The following EXOC6B variants were observed in gnomAD, a reference collection of about 807,000 sequenced individuals.
The protein encoded by EXOC6B is exocyst complex component 6B, also known as SEC15 homolog B.
In EXOC6B, 54 loss-of-function variants were observed where a neutral mutation model predicts 113.5. The ratio of observed to expected loss-of-function variants is 0.48; its 90% CI spans 0.38 to 0.60. EXOC6B has a LOEUF of 0.60. EXOC6B is among the 20% of genes least tolerant of loss of function. EXOC6B has a pLI of 0.00. For missense variants in EXOC6B, 797 were observed against 977.5 expected (o/e 0.82, Z 2.46); for synonymous variants, 357 against 339.0 (o/e 1.05, Z -0.58).
intron 6 of EXOC6B, among the ~76,000 whole-genome samples, chr2:72,647,734 A>G (rs1337176306): frequency 6.6e-6 from 1 of 152,220 alleles, no homozygotes; most frequent in Non-Finnish European, 1.5e-5. Context: ...TATACATAGA[A>G]AGCTGAAACT....
At chr2:72,298,846 G>C (rs1293258161) in intron 20 of EXOC6B, among the ~76,000 whole-genome samples, 1 of 152,176 alleles carries the variant, frequency 6.6e-6, no homozygotes, top group Admixed American at 6.5e-5. Flanking sequence ...TTTCTGCAGA[G>C]AGATCCGCTG....
intron 1 of EXOC6B, among the ~76,000 whole-genome samples, chr2:72,743,303 AC>A (rs1396607828): frequency 6.6e-6 from 1 of 152,192 alleles, no homozygotes; most frequent in African/African-American, 2.4e-5. Context: ...CCACACAGTA[AC>A]AAAAATGATC....
At chr2:72,207,285 T>G (rs544913498) in intron 20 of EXOC6B, among the ~76,000 whole-genome samples, 29 of 152,340 alleles carry the variant, frequency 1.9e-4, no homozygotes, top group African/African-American at 6.5e-4. Context: ...CTTTGTACAT[T>G]TCTTCAAGTG....
At position 72,823,472 on chromosome 2, in the gene EXOC6B, AAAAAAAC is replaced by A. The variant is rs1166684426; in HGVS notation, c.113+2319_113+2325del. 1.0e-2 allele frequency among the ~76,000 whole-genome samples: 1,257 copies of A among 126,066 alleles called. 16 individuals are homozygous for A. Among genetic ancestry groups the A allele is most frequent in the East Asian group, 0.015 (60 of 4,064 alleles). The allele number at this position is 126,066 out of a possible 152,430, so 82.7% of individuals were successfully genotyped here. A position where few individuals can be genotyped will look rare whatever the true frequency, so the allele number is the denominator to read the frequency against. On this transcript the variant is annotated intron_variant, in intron 1 of 21. Coordinates refer to ENST00000272427, the MANE Select transcript of EXOC6B (RefSeq NM_015189.3). ...TCAAAGTTTTAAGAAAAAAAAAAAA[AAAAAAAC>A]AAAAAACAAAAAAAAAGACAGTGGC...
chr2:72,281,226 C>T (rs1014657227), intron 20 of EXOC6B, among the ~76,000 whole-genome samples: 1 of 152,146 alleles, frequency 6.6e-6, no homozygotes, highest in Non-Finnish European at 1.5e-5. Flanking sequence ...AGGTGATGAT[C>T]CCCTTTACTC....
At chr2:72,181,962 T>C (rs1324502531) in intron 21 of EXOC6B, among the ~76,000 whole-genome samples, 1 of 152,196 alleles carries the variant, frequency 6.6e-6, no homozygotes, top group East Asian at 1.9e-4. Context: ...TCCCTCAATG[T>C]CTTTAGCAGG....
intron 18 of EXOC6B, among the ~76,000 whole-genome samples, chr2:72,418,352 C>A (rs750765726): frequency 1.2e-4 from 19 of 152,176 alleles, no homozygotes; most frequent in Non-Finnish European, 2.2e-4. Flanking sequence ...AACCTCAACT[C>A]CTGGCAACCA....
chr2:72,744,581 G>A (rs1681571776), intron 1 of EXOC6B, among the ~76,000 whole-genome samples: 1 of 152,150 alleles, frequency 6.6e-6, no homozygotes, highest in African/African-American at 2.4e-5. Context: ...AGAACGTGAA[G>A]AATCACCGAA....
chr2:72,501,936 T>C (rs1164227619), intron 11 of EXOC6B, among the ~76,000 whole-genome samples: 1 of 151,712 alleles, frequency 6.6e-6, no homozygotes, highest in African/African-American at 2.4e-5. Flanking sequence ...AATGTTTTTT[T>C]ATTTTTTGTA....
At chr2:72,335,893 T>C (rs1315720598) in intron 19 of EXOC6B, among the ~76,000 whole-genome samples, 1 of 152,168 alleles carries the variant, frequency 6.6e-6, no homozygotes. Flanking sequence ...CTCTGGCTTC[T>C]ATGTCGTTAA....
chr2:72,251,298 A>G (rs1380490043), intron 20 of EXOC6B, among the ~76,000 whole-genome samples: 1 of 152,164 alleles, frequency 6.6e-6, no homozygotes, highest in Non-Finnish European at 1.5e-5. Context: ...ATGTTTAGGT[A>G]ACACAATTTG....
intron 20 of EXOC6B, among the ~76,000 whole-genome samples, chr2:72,248,144 A>G (rs1178898633): frequency 6.6e-6 from 1 of 152,192 alleles, no homozygotes; most frequent in Non-Finnish European, 1.5e-5. Flanking sequence ...AGACAATACA[A>G]AAATGATGAT....
chr2:72,472,949 G>A (rs906084331), intron 17 of EXOC6B, among the ~76,000 whole-genome samples: 3 of 152,080 alleles, frequency 2.0e-5, no homozygotes, highest in Non-Finnish European at 4.4e-5. Context: ...GGTTGTTCAG[G>A]AGCATGTTGT....
chr2:72,778,822 C>A (rs1477638952), intron 1 of EXOC6B, among the ~76,000 whole-genome samples: 1 of 151,956 alleles, frequency 6.6e-6, no homozygotes, highest in South Asian at 2.1e-4. Context: ...GTTAAGATCA[C>A]CGAGTTCCAA....
At chr2:72,274,403 A>T (rs995980305) in intron 20 of EXOC6B, among the ~76,000 whole-genome samples, 16 of 152,178 alleles carry the variant, frequency 1.1e-4, no homozygotes, top group African/African-American at 3.1e-4. Flanking sequence ...ACACTGGACA[A>T]ATACAAAGTA....
At chr2:72,291,293 A>C (rs189255094) in intron 20 of EXOC6B, among the ~76,000 whole-genome samples, 3 of 152,304 alleles carry the variant, frequency 2.0e-5, no homozygotes, top group African/African-American at 7.2e-5. Flanking sequence ...TCTTAGCTCC[A>C]CAACTGATTT....
At chr2:72,516,774 T>C (rs913732007) in intron 8 of EXOC6B, among the ~76,000 whole-genome samples, 35 of 152,170 alleles carry the variant, frequency 2.3e-4, no homozygotes, top group African/African-American at 8.2e-4. Context: ...GGTTTTCTCA[T>C]TTGTAGAGAT....
At chr2:72,449,999 G>A (rs1257291104) in intron 18 of EXOC6B, among the ~76,000 whole-genome samples, 2 of 152,136 alleles carry the variant, frequency 1.3e-5, no homozygotes, top group African/African-American at 4.8e-5. Context: ...AGAGCAACTA[G>A]GTATTCAAAT....
intron 8 of EXOC6B, among the ~76,000 whole-genome samples, chr2:72,538,934 G>C (rs2105782397): frequency 6.6e-6 from 1 of 152,286 alleles, no homozygotes; most frequent in South Asian, 2.1e-4. Context: ...TGAGCCGCTT[G>C]AGCTGGGAAT....
Sources: gnomAD v4.1 joint callset for allele counts (sites outside exome capture counted in the v4.1 genomes callset) on GRCh38, gnomAD v4.1.1 for gene constraint, MANE v1.5 for transcripts, NCBI Gene and HGNC (gene_info 2026-07-23, HGNC 2026-07-21) for gene names.